TAB1: variants seen among roughly 807,000 people sequenced by gnomAD.
The protein encoded by TAB1 is TGF-beta activated kinase 1 (MAP3K7) binding protein 1.
In TAB1, 30 loss-of-function variants were observed where a neutral mutation model predicts 54.5. The observed-to-expected ratio is 0.55, with a 90% CI of 0.41 to 0.75. TAB1 has a LOEUF of 0.75. TAB1 is among the 30% of genes least tolerant of loss of function. TAB1 has a pLI of 0.00. For missense variants in TAB1, 609 were observed against 683.2 expected, an observed-to-expected ratio of 0.89 and a Z score of 1.21; for synonymous variants, 289 against 286.9, an observed-to-expected ratio of 1.01 and a Z score of -0.07.
chr22:39,413,345 T>G (rs1569195946), intron 1 of TAB1, among the ~76,000 whole-genome samples: 1 of 152,208 alleles, frequency 6.6e-6, no homozygotes, highest in Non-Finnish European at 1.5e-5. Context: ...CCAGTTTGGA[T>G]GCCCTCTATT....
Position 39,419,644 on chromosome 22 carries a change from C to T in TAB1, c.776+14C>T. 13 of 1,570,350 alleles carry T rather than the reference C, an allele frequency of 8.3e-6. No homozygotes were observed. The highest frequency in any genetic ancestry group is 1.1e-5 in the South Asian group (1 of 89,198). ...TGACCTTCTCAGGTAGGTGCCAGCC[C>T]AGCTGTCCCCTGTGCTTGAAAGAAC... On this transcript the variant is annotated intron_variant, in intron 7 of 10. Transcript: ENST00000216160.
At chr22:39,422,574 A>AT (rs1324886872) in intron 8 of TAB1, among the ~76,000 whole-genome samples, 2 of 151,476 alleles carry the variant, frequency 1.3e-5, no homozygotes, top group Non-Finnish European at 2.9e-5. Context: ...CGCCCAGCTA[A>AT]TTTTTGTATT....
intron 1 of TAB1, among the ~76,000 whole-genome samples, chr22:39,404,738 T>G (rs538700123): frequency 6.6e-6 from 1 of 152,322 alleles, no homozygotes; most frequent in East Asian, 1.9e-4. Flanking sequence ...CCTATACCCA[T>G]TGCATACACC....
At chr22:39,412,171 C>A (rs1569195521) in intron 1 of TAB1, among the ~76,000 whole-genome samples, 1 of 152,154 alleles carries the variant, frequency 6.6e-6, no homozygotes, top group Non-Finnish European at 1.5e-5. Context: ...TCTTGAGTAG[C>A]TGGAATTACA....
intron 1 of TAB1, among the ~76,000 whole-genome samples, chr22:39,405,771 T>C (rs1469679489): frequency 6.6e-6 from 1 of 152,028 alleles, no homozygotes; most frequent in Non-Finnish European, 1.5e-5. Context: ...TCGATGGAGA[T>C]GGAAAGGGAC....
chr22:39,416,047 C>T (rs1376588471), intron 3 of TAB1, among the ~76,000 whole-genome samples: 2 of 152,166 alleles, frequency 1.3e-5, no homozygotes, highest in African/African-American at 4.8e-5. Context: ...GACCTTGCCT[C>T]CCCTTTCTGA....
At chr22:39,420,314 C>G (rs1414437492) in intron 7 of TAB1, among the ~76,000 whole-genome samples, 1 of 152,204 alleles carries the variant, frequency 6.6e-6, no homozygotes, top group Admixed American at 6.5e-5. Flanking sequence ...ATCAGGCAGC[C>G]CACCCTGGTC....
chr22:39,408,846 A>G (rs565922182), intron 1 of TAB1, among the ~76,000 whole-genome samples: 6 of 152,340 alleles, frequency 3.9e-5, no homozygotes, highest in East Asian at 3.9e-4. Context: ...GAACAGACCC[A>G]TAAGTTGCTT....
At chr22:39,399,976 G>T in intron 1 of TAB1, 141 bp downstream of exon 1, 1 of 980,686 alleles carries the variant, frequency 1.0e-6, no homozygotes, top group Non-Finnish European at 1.5e-6. Context: ...TCCTCTCCTC[G>T]GGCTGGCCCC....
rs1927533226 is a variant in TAB1 at position 39,430,343 on chromosome 22, A to G, written c.*121A>G. On this transcript the variant is annotated 3_prime_UTR_variant, in exon 11 of 11. Coordinates refer to ENST00000216160, the MANE Select transcript of TAB1 (RefSeq NM_006116.3). ...GTGCCCCATCCTCTGCCCACAGCAG[A>G]CTCTGTCCCATGGCTCTCCGGGCAG... 1 of 1,519,422 alleles carries G rather than the reference A, an allele frequency of 6.6e-7. No individual in the cohort carries two copies. The allele number at this position is 1,519,422 out of a possible 1,614,324, so 94.1% of individuals were successfully genotyped here.
At chr22:39,416,135 G>C (rs1053218171) in intron 3 of TAB1, among the ~76,000 whole-genome samples, 2 of 152,126 alleles carry the variant, frequency 1.3e-5, no homozygotes, top group African/African-American at 2.4e-5. Flanking sequence ...TCTGCTTTCA[G>C]GAGCATGTCT....
In TAB1 at chr22:39,417,872, G is replaced by A. The variant is rs372051369; in HGVS notation, c.550+23G>A. 7 of 1,587,652 alleles carry A rather than the reference G, an allele frequency of 4.4e-6. No individual in the cohort carries two copies. In the Admixed American group the frequency reaches 1.1e-4, roughly 24 times the overall value. Reference sequence around the variant, plus strand: ...TCGGTGAGCCCCCTCCTGTCCCAGGGCAGGGAGGACTGGGGAGAGGTCAGC... The same window carrying A: ...TCGGTGAGCCCCCTCCTGTCCCAGGACAGGGAGGACTGGGGAGAGGTCAGC... On this transcript the variant is annotated intron_variant, in intron 5 of 10. Transcript: ENST00000216160.
chr22:39,403,135 T>C (rs974806761), intron 1 of TAB1, among the ~76,000 whole-genome samples: 1 of 152,262 alleles, frequency 6.6e-6, no homozygotes, highest in Admixed American at 6.5e-5. Flanking sequence ...GCACTCACTA[T>C]GTGCTAGGCA....
chr22:39,430,268 A>G lies in TAB1; in HGVS notation c.*46A>G. On this transcript the variant is annotated 3_prime_UTR_variant, in exon 11 of 11. Transcript: ENST00000216160. Reference sequence around the variant, plus strand: ...CAAGCAGGGCCTGGCATGGGGCAGGACAGGGTCCAGCCTTTTCCTAACATC... The same window carrying G: ...CAAGCAGGGCCTGGCATGGGGCAGGGCAGGGTCCAGCCTTTTCCTAACATC... 2 of 1,601,920 alleles carry G rather than the reference A, an allele frequency of 1.2e-6. No homozygotes were observed. Among genetic ancestry groups the G allele is most frequent in the Non-Finnish European group, 1.7e-6 (2 of 1,178,096 alleles).
chr22:39,424,347 A>T (rs769541783), intron 8 of TAB1, among the ~76,000 whole-genome samples: 4 of 151,382 alleles, frequency 2.6e-5, no homozygotes, highest in Non-Finnish European at 5.9e-5. Flanking sequence ...ATTTTCCTTT[A>T]GGTAGATGCC....
Position 39,426,841 on chromosome 22 carries a change from C to T in TAB1, c.1060C>T (p.Arg354Trp), listed in dbSNP as rs749815314. ...TGGGGAGCGTGCCAGGTTCTGCCCC[C>T]GGCACGAGGACATGACCCTGCTAGT... ...SGGERARFCP[R>W]HEDMTLLVRN... The change falls in exon 9 of 11, where the codon CGG (arginine) becomes TGG (tryptophan). Residue 354 changes from arginine (R) to tryptophan (W), a missense_variant. Arg to Trp is a moderately radical substitution (Grantham distance 101). Coordinates refer to ENST00000216160, the MANE Select transcript of TAB1 (RefSeq NM_006116.3). 12 of 1,613,536 alleles carry T rather than the reference C, an allele frequency of 7.4e-6. No homozygotes were observed. Among genetic ancestry groups the T allele is most frequent in the African/African-American group, 2.7e-5 (2 of 74,946 alleles).
chr22:39,427,908 C>T (rs1164086233), intron 9 of TAB1, 113 bp from the exon 10 acceptor site: 3 of 1,096,520 alleles, frequency 2.7e-6, no homozygotes, highest in Admixed American at 2.6e-5. Flanking sequence ...ATGGCCGCCA[C>T]CCACACTCAG....
At chr22:39,432,529 G>A (rs749230923), downstream of TAB1, 41 of 155,398 alleles carry the variant, frequency 2.6e-4, no homozygotes, top group Non-Finnish European at 3.9e-4. Context: ...CTGTGCCTGC[G>A]GAGCTTCCTT....
chr22:39,429,458 G>C, intron 10 of TAB1: 1 of 702,772 alleles, frequency 1.4e-6, no homozygotes, highest in Non-Finnish European at 1.7e-6. Flanking sequence ...GCTATTAGAC[G>C]CTTGAACTGA....
Sources: allele counts gnomAD v4.1 joint callset (sites outside exome capture counted in the v4.1 genomes callset), GRCh38; gene constraint gnomAD v4.1.1; transcripts MANE v1.5; gene names NCBI Gene and HGNC (gene_info 2026-07-23, HGNC 2026-07-21).